PDLIM5: variants seen among roughly 807,000 people sequenced by gnomAD.
The protein encoded by PDLIM5 is PDZ and LIM domain protein 5.
Under a neutral mutation model 64.2 loss-of-function variants are expected in PDLIM5, and 34 were observed. That is an observed-to-expected ratio of 0.53 (90% CI 0.40 to 0.71). The LOEUF (loss-of-function observed/expected upper bound fraction) is 0.71. Among genes scored for constraint, PDLIM5 ranks in the 30% least tolerant of loss-of-function variants. The pLI, the probability that PDLIM5 is intolerant of heterozygous loss-of-function variation, is 0.00. For missense variants in PDLIM5, 683 were observed against 733.6 expected, an observed-to-expected ratio of 0.93 and a Z score of 0.80; for synonymous variants, 253 against 269.1, an observed-to-expected ratio of 0.94 and a Z score of 0.59.
At chr4:94,475,989 A>G (rs908401165) in intron 2 of PDLIM5, among the ~76,000 whole-genome samples, 8 of 152,172 alleles carry the variant, frequency 5.3e-5, no homozygotes, top group African/African-American at 1.9e-4. Context: ...AAACACACAC[A>G]ATCACTGTAA....
rs1743075525 is a variant in PDLIM5 at position 94,666,232 on chromosome 4, G to A, written c.*2165G>A. 2.1e-6 allele frequency: 1 copy of A among 478,248 alleles called. No individual in the cohort carries two copies. The highest frequency in any genetic ancestry group is 3.9e-5 in the Admixed American group (1 of 25,544). 29.6% of individuals were successfully genotyped at this position (478,248 alleles called of 1,614,324 possible). A position where few individuals can be genotyped will look rare whatever the true frequency, so the allele number is the denominator to read the frequency against. On this transcript the variant is annotated 3_prime_UTR_variant, in exon 13 of 13. Transcript: ENST00000317968. Reference sequence around the variant, plus strand: ...TAAGAACTTTCAAGGCATCTGTCCTGAAAGCTGTTAATTTATGGTCTAGCA... The same window carrying A: ...TAAGAACTTTCAAGGCATCTGTCCTAAAAGCTGTTAATTTATGGTCTAGCA...
chr4:94,551,167 C>T (rs1732773275), intron 3 of PDLIM5, among the ~76,000 whole-genome samples: 1 of 152,080 alleles, frequency 6.6e-6, no homozygotes, highest in South Asian at 2.1e-4. Context: ...ATTTCTATCT[C>T]AGGGTTTTAT....
At chr4:94,531,060 T>A (rs1730830382) in intron 3 of PDLIM5, among the ~76,000 whole-genome samples, 1 of 141,484 alleles carries the variant, frequency 7.1e-6, no homozygotes, top group African/African-American at 3.2e-5. Flanking sequence ...TTTAGTTAGA[T>A]TTTTTTTCTT....
chr4:94,664,182 T>C lies in PDLIM5; in HGVS notation c.*115T>C. 1.6e-6 allele frequency: 2 copies of C among 1,256,374 alleles called. No homozygotes were observed. The allele number at this position is 1,256,374 out of a possible 1,614,324, so 77.8% of individuals were successfully genotyped here. A position where few individuals can be genotyped will look rare whatever the true frequency, so the allele number is the denominator to read the frequency against. On this transcript the variant is annotated 3_prime_UTR_variant, in exon 13 of 13. Transcript: ENST00000317968. ...GAGTTTTGAAAAATAATAGTGGCCCTGAAGGAATAAATTCCAGCTTTAAAA... is the reference window on the plus strand; with the variant it reads ...GAGTTTTGAAAAATAATAGTGGCCCCGAAGGAATAAATTCCAGCTTTAAAA...
At chr4:94,569,332 C>CGTTT (rs57176960) in intron 3 of PDLIM5, among the ~76,000 whole-genome samples, 9,117 of 151,502 alleles carry the variant, frequency 0.06, 842 homozygotes, top group African/African-American at 0.2. Flanking sequence ...TTTGTTTGTT[C>CGTTT]GTTTGTTTGT....
At chr4:94,487,914 T>C (rs1180790725) in intron 2 of PDLIM5, among the ~76,000 whole-genome samples, 1 of 152,208 alleles carries the variant, frequency 6.6e-6, no homozygotes, top group Non-Finnish European at 1.5e-5. Context: ...ATTCAAGATT[T>C]ACCTAATTAG....
chr4:94,664,805 G>A lies in PDLIM5; in HGVS notation c.*738G>A. ...GAATCACTTGAACCCGGGAGGGAGA[G>A]GTTGCAGTGAGCCAAGATCGTACCA... On this transcript the variant is annotated 3_prime_UTR_variant, in exon 13 of 13. Transcript: ENST00000317968. 4 of 288,118 alleles carry A rather than the reference G, an allele frequency of 1.4e-5. No individual in the cohort carries two copies. The highest frequency in any genetic ancestry group is 2.1e-5 in the Non-Finnish European group (4 of 192,532). 17.8% of individuals were successfully genotyped at this position (288,118 alleles called of 1,614,324 possible).
intron 7 of PDLIM5, among the ~76,000 whole-genome samples, chr4:94,600,143 G>A (rs1035178968): frequency 6.6e-6 from 1 of 152,202 alleles, no homozygotes; most frequent in African/African-American, 2.4e-5. Context: ...ATGGATACTA[G>A]AATGTAAGCT....
At position 94,458,955 on chromosome 4, in the gene PDLIM5, G is replaced by A. The variant is rs533758962; in HGVS notation, c.96+3571G>A. ...GATGATCACATGTCATTTAATTTCC[G>A]ATCCTTAAAATGGAGTGCGGGCTAC... On this transcript the variant is annotated intron_variant, in intron 2 of 12. Transcript: ENST00000317968. Among the ~76,000 whole-genome samples the A allele has an allele frequency of 2.6e-5, 4 of 152,216 alleles. No individual in the cohort carries two copies. In the East Asian group the frequency reaches 5.8e-4, roughly 22 times the overall value.
intron 3 of PDLIM5, among the ~76,000 whole-genome samples, chr4:94,565,375 A>G (rs1172504528): frequency 6.6e-6 from 1 of 152,184 alleles, no homozygotes; most frequent in African/African-American, 2.4e-5. Flanking sequence ...ATTAGAAGGA[A>G]CCATCGTAGT....
At chr4:94,534,416 T>G (rs996686226) in intron 3 of PDLIM5, among the ~76,000 whole-genome samples, 1 of 152,180 alleles carries the variant, frequency 6.6e-6, no homozygotes, top group Non-Finnish European at 1.5e-5. Context: ...ATTTAAAAAT[T>G]TGGACTTTTC....
rs746011771 is a variant in PDLIM5, at chr4:94,577,301, G to A, written c.710+1267G>A. ...TGAATGTTAATTCCTGTAATGAAGA[G>A]GCTGTGCTTTCTGTAGCACTGCTGC... On this transcript the variant is annotated intron_variant, in intron 5 of 12. Transcript: ENST00000317968. 148 of 456,580 alleles carry A rather than the reference G, an allele frequency of 3.2e-4. 1 individual carries two copies. Among genetic ancestry groups the A allele is most frequent in the Non-Finnish European group, 5.7e-4 (130 of 226,956 alleles). 28.3% of individuals were successfully genotyped at this position (456,580 alleles called of 1,614,324 possible).
chr4:94,554,081 G>A (rs540964023), intron 3 of PDLIM5, among the ~76,000 whole-genome samples: 2 of 152,172 alleles, frequency 1.3e-5, no homozygotes, highest in South Asian at 4.2e-4. Context: ...ATCTTTTGTT[G>A]TCTTCATATA....
At chr4:94,542,851 T>G (rs1008444316) in intron 3 of PDLIM5, among the ~76,000 whole-genome samples, 1 of 152,130 alleles carries the variant, frequency 6.6e-6, no homozygotes, top group South Asian at 2.1e-4. Flanking sequence ...AAAACAAAAT[T>G]GTTTCCTAAA....
At chr4:94,649,568 A>G (rs1741684833) in intron 9 of PDLIM5, among the ~76,000 whole-genome samples, 1 of 152,318 alleles carries the variant, frequency 6.6e-6, no homozygotes, top group South Asian at 2.1e-4. Flanking sequence ...ATGTTAGCAT[A>G]TAAGTTCCAT....
At chr4:94,601,817 G>C (rs1737526006) in intron 7 of PDLIM5, among the ~76,000 whole-genome samples, 1 of 152,190 alleles carries the variant, frequency 6.6e-6, no homozygotes. Context: ...GATAGCTTAT[G>C]ATTGAGAGTA....
chr4:94,608,255 A>G, intron 7 of PDLIM5: 2 of 982,964 alleles, frequency 2.0e-6, no homozygotes, highest in Non-Finnish European at 2.9e-6. Flanking sequence ...TTTGAAAAAG[A>G]AAAAATGATT....
At chr4:94,636,654 G>A (rs867257880) in intron 8 of PDLIM5, among the ~76,000 whole-genome samples, 1 of 150,116 alleles carries the variant, frequency 6.7e-6, no homozygotes, top group Non-Finnish European at 1.5e-5. Context: ...TTCTCCTGCC[G>A]CAGCCTCCCA....
chr4:94,511,726 G>A (rs996531435), intron 2 of PDLIM5, among the ~76,000 whole-genome samples: 1 of 151,940 alleles, frequency 6.6e-6, no homozygotes, highest in Non-Finnish European at 1.5e-5. Context: ...GTGAAAATAT[G>A]CTTATCTTTC....
Sources: gnomAD v4.1 joint callset for allele counts (sites outside exome capture counted in the v4.1 genomes callset) on GRCh38, gnomAD v4.1.1 for gene constraint, MANE v1.5 for transcripts, NCBI Gene and HGNC (gene_info 2026-07-23, HGNC 2026-07-21) for gene names.